Variants in SCHIP1 observed in about 807,000 individuals in gnomAD.
SCHIP1 encodes schwannomin interacting protein 1, also known as schwannomin-interacting protein 1.
A neutral mutation model predicts 29.7 loss-of-function variants in SCHIP1; 8 were observed. The ratio of observed to expected loss-of-function variants is 0.27; its 90% confidence interval spans 0.16 to 0.49. The LOEUF (loss-of-function observed/expected upper bound fraction) is 0.49, where lower values mean the gene tolerates loss of function less well. Ranked by LOEUF, SCHIP1 falls within the 20% of genes least tolerant of loss-of-function variation. The pLI is 0.99. For missense variants in SCHIP1, 193 were observed against 294.6 expected, an observed-to-expected ratio of 0.66 and a Z score of 2.52; for synonymous variants, 76 against 94.9, an observed-to-expected ratio of 0.80 and a Z score of 1.16.
the SCHIP1 span, among the ~76,000 whole-genome samples, chr3:159,718,191 C>G: frequency 2.0e-5 from 3 of 152,066 alleles, no homozygotes; most frequent in African/African-American, 7.2e-5. Context: ...GCCTTTCATG[C>G]GAAAAACTCT....
chr3:159,682,297 G>A, the SCHIP1 span, among the ~76,000 whole-genome samples: 1 of 152,210 alleles, frequency 6.6e-6, no homozygotes, highest in East Asian at 1.9e-4. Context: ...AGTATCTAAA[G>A]GAGACAACTG....
chr3:159,806,710 A>G, the SCHIP1 span, among the ~76,000 whole-genome samples: 8 of 152,252 alleles, frequency 5.3e-5, no homozygotes, highest in Non-Finnish European at 1.0e-4. Context: ...GCTGCTGCTC[A>G]CACTGGAGAA....
chr3:159,777,506 T>A, the SCHIP1 span, among the ~76,000 whole-genome samples: 1 of 146,200 alleles, frequency 6.8e-6, no homozygotes, highest in Non-Finnish European at 1.5e-5. Flanking sequence ...TTTATACACA[T>A]CCCATTACTT....
At chr3:159,731,509 G>A in the SCHIP1 span, among the ~76,000 whole-genome samples, 1 of 152,168 alleles carries the variant, frequency 6.6e-6, no homozygotes, top group African/African-American at 2.4e-5. Context: ...TATCTGTTTC[G>A]GAAGGGCTCT....
chr3:159,425,421 AACAAAGATCAAAAGAG>A, the SCHIP1 span, among the ~76,000 whole-genome samples: 1 of 151,630 alleles, frequency 6.6e-6, no homozygotes, highest in South Asian at 2.1e-4. Flanking sequence ...ACTTTAAACC[AACAAAGATCAAAAGAG>A]ACAAAGAAGG....
At chr3:159,393,525 T>TACATATGGCTAGCCAGTTTTCC in the SCHIP1 span, among the ~76,000 whole-genome samples, 1 of 151,988 alleles carries the variant, frequency 6.6e-6, no homozygotes, top group African/African-American at 2.4e-5. Context: ...TTCAGCTTTC[T>TACATATGGCTAGCCAGTTTTCC]ACATATGGCT....
the SCHIP1 span, among the ~76,000 whole-genome samples, chr3:159,637,036 A>G: frequency 6.6e-6 from 1 of 152,208 alleles, no homozygotes; most frequent in Non-Finnish European, 1.5e-5. Flanking sequence ...GATATGAATC[A>G]AATGAAGGCT....
chr3:159,813,932 CA>C, the SCHIP1 span, among the ~76,000 whole-genome samples: 1 of 152,160 alleles, frequency 6.6e-6, no homozygotes, highest in Non-Finnish European at 1.5e-5. Flanking sequence ...CTATAGAAAA[CA>C]GACAACTATC....
At chr3:159,325,415 T>G in the SCHIP1 span, among the ~76,000 whole-genome samples, 2 of 152,136 alleles carry the variant, frequency 1.3e-5, no homozygotes, top group Non-Finnish European at 2.9e-5. Context: ...AGGTTATACA[T>G]ACACATACAC....
At chr3:159,638,647 C>T in the SCHIP1 span, among the ~76,000 whole-genome samples, 1 of 150,876 alleles carries the variant, frequency 6.6e-6, no homozygotes, top group Admixed American at 6.6e-5. Context: ...AGAGGGGGTG[C>T]GATCTCTGCC....
At chr3:159,726,038 G>A in the SCHIP1 span, among the ~76,000 whole-genome samples, 6 of 152,160 alleles carry the variant, frequency 3.9e-5, no homozygotes, top group Non-Finnish European at 5.9e-5. Context: ...ACTTTTGAAA[G>A]CCAATATTTA....
the SCHIP1 span, among the ~76,000 whole-genome samples, chr3:159,794,993 A>G: frequency 1.3e-5 from 2 of 152,192 alleles, no homozygotes; most frequent in African/African-American, 4.8e-5. Flanking sequence ...TCTGACCTCT[A>G]TCACAGAAGA....
intron 2 of SCHIP1, among the ~76,000 whole-genome samples, chr3:159,885,528 AAGG>A (rs1716876945): frequency 1.3e-5 from 2 of 152,200 alleles, no homozygotes; most frequent in African/African-American, 4.8e-5. Flanking sequence ...TGGCTTCCCA[AAGG>A]TCTCTGTCCC....
At chr3:159,715,951 G>C in the SCHIP1 span, among the ~76,000 whole-genome samples, 1 of 152,192 alleles carries the variant, frequency 6.6e-6, no homozygotes, top group South Asian at 2.1e-4. Flanking sequence ...ATAATTGTCA[G>C]ATTCACCAAA....
intron 1 of SCHIP1, among the ~76,000 whole-genome samples, chr3:159,864,122 G>C (rs779154083): frequency 6.6e-6 from 1 of 152,132 alleles, no homozygotes; most frequent in East Asian, 1.9e-4. Context: ...TGAGAAAAAG[G>C]TTCACTGACT....
At chr3:159,324,637 G>T in the SCHIP1 span, among the ~76,000 whole-genome samples, 1 of 152,168 alleles carries the variant, frequency 6.6e-6, no homozygotes. Context: ...AATCAGGCCT[G>T]GGAATGTCTA....
chr3:159,326,120 C>T, the SCHIP1 span, among the ~76,000 whole-genome samples: 1 of 152,098 alleles, frequency 6.6e-6, no homozygotes, highest in Non-Finnish European at 1.5e-5. Flanking sequence ...GGCTAAGTTA[C>T]CTGCCCAAGG....
chr3:159,341,331 G>A, the SCHIP1 span, among the ~76,000 whole-genome samples: 15 of 152,158 alleles, frequency 9.9e-5, no homozygotes, highest in South Asian at 2.1e-4. Flanking sequence ...TGTGTGCCCC[G>A]CCAACACTCC....
At chr3:159,363,854 A>G in the SCHIP1 span, among the ~76,000 whole-genome samples, 12 of 152,236 alleles carry the variant, frequency 7.9e-5, no homozygotes, top group Admixed American at 1.3e-4. Context: ...AATGATAACC[A>G]GTTCTATTTT....
Sources: allele counts gnomAD v4.1 joint callset (sites outside exome capture counted in the v4.1 genomes callset), GRCh38; gene constraint gnomAD v4.1.1; transcripts MANE v1.5; gene names NCBI Gene and HGNC (gene_info 2026-07-23, HGNC 2026-07-21).